Variants in VPS13D observed in about 807,000 individuals in gnomAD.
VPS13D encodes intermembrane lipid transfer protein VPS13D.
Under a neutral mutation model 461.9 loss-of-function variants are expected in VPS13D, and 187 were observed. The observed-to-expected ratio is 0.40, with a 90% CI of 0.36 to 0.46. The LOEUF is 0.46. Ranked by LOEUF, VPS13D falls within the 20% of genes least tolerant of loss-of-function variation. VPS13D has a pLI of 0.60. For missense variants in VPS13D, 4,711 were observed against 5,364.9 expected (o/e 0.88, Z 3.81); for synonymous variants, 1,951 against 1,986.3 (o/e 0.98, Z 0.47).
intron 22 of VPS13D, 133 bp downstream of exon 22, chr1:12,288,446 C>A: frequency 1.3e-6 from 1 of 752,916 alleles, no homozygotes. Context: ...TTAGTCTGGC[C>A]AGGATTCATG....
intron 14 of VPS13D, among the ~76,000 whole-genome samples, chr1:12,267,481 C>CT (rs1393975905): frequency 6.6e-6 from 1 of 152,066 alleles, no homozygotes; most frequent in African/African-American, 2.4e-5. Flanking sequence ...GTCTAAATGG[C>CT]TGAGTAGTTA....
intron 1 of VPS13D, among the ~76,000 whole-genome samples, chr1:12,231,760 G>A (rs1313022767): frequency 6.6e-6 from 1 of 152,196 alleles, no homozygotes; most frequent in Non-Finnish European, 1.5e-5. Flanking sequence ...AGGCCAAAGT[G>A]GGCAGATCGC....
At position 12,308,518 on chromosome 1, in the gene VPS13D, C is replaced by T. The variant is rs754644546; in HGVS notation, c.6527C>T (p.Ser2176Leu). The stretch of plus-strand genomic sequence containing the variant: ...GCAGAGAGACATCCGAGAGAATACT[C>T]GAAGGCACCAGAGGATAGTAGTGGA... ...FAAERHPREYSKAPEDSSGDL... is the reference protein window; with the variant it reads ...FAAERHPREYLKAPEDSSGDL... Residue 2176 changes from serine to leucine, a missense_variant, in exon 27 of 70, where the codon TCG (serine) becomes TTG (leucine). Around this residue, in one of 3 missense-constraint regions of VPS13D, gnomAD observed 4,411 missense variants for 4,937.8 expected, o/e 0.89. Transcript: ENST00000620676. 43 of 1,613,972 alleles carry T rather than the reference C, an allele frequency of 2.7e-5. No individual in the cohort carries two copies. The highest frequency in any genetic ancestry group is 3.1e-5 in the Non-Finnish European group (36 of 1,180,028).
chr1:12,235,097 A>G (rs1273457689), intron 2 of VPS13D, among the ~76,000 whole-genome samples: 1 of 152,230 alleles, frequency 6.6e-6, no homozygotes, highest in African/African-American at 2.4e-5. Flanking sequence ...CGTAGGGAAG[A>G]GAAGAAAGTC....
At chr1:12,463,420 C>T (rs536034875) in intron 67 of VPS13D, among the ~76,000 whole-genome samples, 84 of 152,278 alleles carry the variant, frequency 5.5e-4, no homozygotes, top group African/African-American at 2.0e-3. Flanking sequence ...GTCCATTTGT[C>T]CAGGTCCAGA....
chr1:12,472,052 T>G (rs1382642042), intron 67 of VPS13D, among the ~76,000 whole-genome samples: 3 of 152,240 alleles, frequency 2.0e-5, no homozygotes, highest in African/African-American at 7.2e-5. Flanking sequence ...CCCATCTGAC[T>G]GGTTGTTGTC....
In VPS13D at chr1:12,277,493, A is replaced by C. The variant is rs1389494331; in HGVS notation, c.3905A>C (p.Glu1302Ala). Residue 1302 changes from glutamate to alanine, a missense_variant, in exon 19 of 70, where the codon GAG becomes GCG. By Grantham distance (107) the Glu-to-Ala change is moderately radical. This residue lies in a region of VPS13D where 4,411 missense variants were observed against 4,937.8 expected (regional missense o/e 0.89). Coordinates refer to ENST00000620676, the MANE Select transcript of VPS13D (RefSeq NM_015378.4). ...AACCACTCTGCTAAGTTTTTGAAGG[A>C]GTTGACGTTATCCATGGATGAACTG... ...HYNHSAKFLK[E>A]LTLSMDELEE... 3 of 1,613,968 alleles carry C rather than the reference A, an allele frequency of 1.9e-6. No individual in the cohort carries two copies. Among genetic ancestry groups the C allele is most frequent in the Non-Finnish European group, 1.7e-6 (2 of 1,180,026 alleles).
At chr1:12,231,569 A>C (rs1209666820) in intron 1 of VPS13D, among the ~76,000 whole-genome samples, 15 of 152,342 alleles carry the variant, frequency 9.8e-5, no homozygotes, top group Admixed American at 9.8e-4. Flanking sequence ...TTAGGGCCGA[A>C]ATTAGTGGCA....
chr1:12,472,319 C>CTCCT (rs1419704382), intron 67 of VPS13D, among the ~76,000 whole-genome samples: 5 of 152,174 alleles, frequency 3.3e-5, no homozygotes, highest in African/African-American at 1.2e-4. Flanking sequence ...TGACTCTGGG[C>CTCCT]TCCTGTTGAG....
At chr1:12,242,948 CTTTTCTTTTCTTTTTT>C (rs1326447438) in intron 3 of VPS13D, among the ~76,000 whole-genome samples, 4 of 150,800 alleles carry the variant, frequency 2.7e-5, no homozygotes, top group East Asian at 3.9e-4. Context: ...TTTTCTTTTT[CTTTTCTTTTCTTTTTT>C]TTTTTTCAGA....
At position 12,271,142 on chromosome 1, in the gene VPS13D, A is replaced by G. The variant is rs1569756056; in HGVS notation, c.2103+18A>G. 2 of 1,613,814 alleles carry G rather than the reference A, an allele frequency of 1.2e-6. No individual in the cohort carries two copies. The highest frequency in any genetic ancestry group is 4.5e-5 in the East Asian group (2 of 44,864). ...ATTTCATTGTAAGTGGGCATCCATA[A>G]ACACTCTTTGGGGATTGGGGAAGGG... is the stretch of plus-strand genomic sequence containing the variant. On this transcript the variant is annotated intron_variant, in intron 17 of 69. Coordinates refer to ENST00000620676, the MANE Select transcript of VPS13D (RefSeq NM_015378.4).
intron 65 of VPS13D, among the ~76,000 whole-genome samples, chr1:12,444,291 G>A (rs1645166678): frequency 6.6e-6 from 1 of 151,988 alleles, no homozygotes; most frequent in African/African-American, 2.4e-5. Context: ...AAGGTAATGT[G>A]TCCTTTTTTT....
chr1:12,276,170 G>A lies in VPS13D; in HGVS notation c.2582G>A (p.Arg861Gln). ...AACGTTCACCTACAGTTAGAGCGTC[G>A]ATTGATTTATACTTCAGATCCCAAA... ...KFNVHLQLER[R>Q]LIYTSDPKYP... The change falls in exon 19 of 70, where the codon CGA becomes CAA. Residue 861 changes from arginine to glutamine, a missense_variant. Transcript: ENST00000620676. This position sits in a 1 kb window ranked among gnomAD's most constrained non-coding sequence, Gnocchi z 4.5. 1.9e-6 allele frequency: 3 copies of A among 1,614,100 alleles called. No homozygotes were observed. The highest frequency in any genetic ancestry group is 1.1e-5 in the South Asian group (1 of 91,072).
intron 61 of VPS13D, among the ~76,000 whole-genome samples, chr1:12,401,399 T>C (rs996827407): frequency 6.6e-6 from 1 of 152,126 alleles, no homozygotes; most frequent in African/African-American, 2.4e-5. Context: ...AACCAAACAA[T>C]AGAATGGCAA....
At chr1:12,233,500 T>TA (rs1004755255) in intron 1 of VPS13D, among the ~76,000 whole-genome samples, 18 of 152,286 alleles carry the variant, frequency 1.2e-4, no homozygotes, top group African/African-American at 2.2e-4. Context: ...TAAGTCATGA[T>TA]AAAAAATGCC....
intron 20 of VPS13D, among the ~76,000 whole-genome samples, chr1:12,280,193 G>A (rs983858900): frequency 1.3e-5 from 2 of 152,148 alleles, no homozygotes; most frequent in Non-Finnish European, 2.9e-5. Flanking sequence ...AGAGCAAAGA[G>A]TAGTACATTA....
At chr1:12,289,742 C>G in intron 22 of VPS13D, among the ~76,000 whole-genome samples, 1 of 151,820 alleles carries the variant, frequency 6.6e-6, no homozygotes, top group East Asian at 1.9e-4. Flanking sequence ...TTGAGACAAG[C>G]CTGGGCAACA....
At chr1:12,400,958 G>GCACACACA (rs752200366) in intron 61 of VPS13D, among the ~76,000 whole-genome samples, 88 of 80,476 alleles carry the variant, frequency 1.1e-3, no homozygotes, top group East Asian at 7.2e-3. Flanking sequence ...GCACCTGCGC[G>GCACACACA]CGCGCACACA....
At chr1:12,260,585 C>A (rs1284364090) in intron 10 of VPS13D, 108 bp from the exon 11 acceptor site, 4 of 847,902 alleles carry the variant, frequency 4.7e-6, no homozygotes, top group Non-Finnish European at 7.8e-6. Context: ...TGCAGGGGAC[C>A]AGAGAGGTTT....
Sources: allele counts gnomAD v4.1 joint callset (sites outside exome capture counted in the v4.1 genomes callset), GRCh38; gene constraint gnomAD v4.1.1; regional missense constraint gnomAD v4.1.1; non-coding constraint Gnocchi (gnomAD v3.1); transcripts MANE v1.5; gene names NCBI Gene and HGNC (gene_info 2026-07-23, HGNC 2026-07-21).